Variants in TMEM135 observed in about 807,000 individuals in gnomAD.
TMEM135 encodes transmembrane protein 135, also known as peroxisomal membrane protein 52.
In TMEM135, 30 loss-of-function variants were observed where a neutral mutation model predicts 60.3. The observed-to-expected ratio is 0.50, with a 90% CI of 0.37 to 0.68. The LOEUF is 0.68. Ranked by LOEUF, TMEM135 falls within the 30% of genes least tolerant of loss-of-function variation. TMEM135 has a pLI of 0.00. For missense variants in TMEM135, 468 were observed against 548.8 expected, an observed-to-expected ratio of 0.85 and a Z score of 1.47; for synonymous variants, 190 against 186.7, an observed-to-expected ratio of 1.02 and a Z score of -0.14.
intron 4 of TMEM135, among the ~76,000 whole-genome samples, chr11:87,140,329 A>G (rs932366294): frequency 6.6e-6 from 1 of 152,010 alleles, no homozygotes; most frequent in Non-Finnish European, 1.5e-5. Flanking sequence ...GGCCTCCCAA[A>G]GTGCTGGGAT....
chr11:87,240,652 G>T (rs994422134), intron 6 of TMEM135, among the ~76,000 whole-genome samples: 15 of 152,144 alleles, frequency 9.9e-5, no homozygotes, highest in African/African-American at 3.6e-4. Context: ...AAAGAAAAAT[G>T]CAACATTTAA....
intron 6 of TMEM135, among the ~76,000 whole-genome samples, chr11:87,252,796 A>ATGTGTGTGTGTGTG (rs1430756887): frequency 2.5e-5 from 2 of 81,150 alleles, no homozygotes; most frequent in Admixed American, 1.1e-4. Context: ...ATTAAAATAT[A>ATGTGTGTGTGTGTG]TATGTGTGTG....
At chr11:87,239,775 C>A (rs1941089185) in intron 6 of TMEM135, among the ~76,000 whole-genome samples, 1 of 150,052 alleles carries the variant, frequency 6.7e-6, no homozygotes, top group Non-Finnish European at 1.5e-5. Flanking sequence ...AAAGAAAGAA[C>A]TTGAGAAGTA....
chr11:87,316,340 A>G (rs1942729092), intron 12 of TMEM135, among the ~76,000 whole-genome samples: 1 of 151,648 alleles, frequency 6.6e-6, no homozygotes, highest in Non-Finnish European at 1.5e-5. Flanking sequence ...GAATATATAC[A>G]TCATGAAATC....
intron 3 of TMEM135, among the ~76,000 whole-genome samples, chr11:87,088,441 A>G (rs1225793898): frequency 6.6e-6 from 1 of 152,226 alleles, no homozygotes; most frequent in Non-Finnish European, 1.5e-5. Context: ...GAAACCAAGC[A>G]GAAAGAAACA....
chr11:87,224,204 C>T (rs187358560), intron 5 of TMEM135, among the ~76,000 whole-genome samples: 1 of 152,224 alleles, frequency 6.6e-6, no homozygotes, highest in East Asian at 1.9e-4. Context: ...TTGATGGGTG[C>T]TTTTTCTTGA....
intron 3 of TMEM135, among the ~76,000 whole-genome samples, chr11:87,074,718 C>T (rs1266550894): frequency 6.6e-6 from 1 of 152,174 alleles, no homozygotes; most frequent in African/African-American, 2.4e-5. Context: ...ATGTTATAAA[C>T]ATCATGCCAC....
At chr11:87,141,735 G>A (rs184920572) in intron 4 of TMEM135, among the ~76,000 whole-genome samples, 1 of 152,122 alleles carries the variant, frequency 6.6e-6, no homozygotes, top group Admixed American at 6.5e-5. Context: ...TCATTCCATA[G>A]CAGTGTCTAC....
chr11:87,296,184 G>A (rs1252105606), intron 7 of TMEM135, among the ~76,000 whole-genome samples: 1 of 152,084 alleles, frequency 6.6e-6, no homozygotes, highest in African/African-American at 2.4e-5. Context: ...TTGCTTTAGG[G>A]CAGGACTCAT....
intron 5 of TMEM135, among the ~76,000 whole-genome samples, chr11:87,205,348 T>C (rs1940211269): frequency 6.6e-6 from 1 of 152,220 alleles, no homozygotes; most frequent in Non-Finnish European, 1.5e-5. Context: ...CTACTGTAGA[T>C]ACTTGAGTAA....
chr11:87,272,643 T>A (rs934756081), intron 6 of TMEM135, among the ~76,000 whole-genome samples: 1 of 151,572 alleles, frequency 6.6e-6, no homozygotes, highest in South Asian at 2.1e-4. Context: ...AAAATTTTTT[T>A]GTAGAGATGA....
At chr11:87,107,231 T>C (rs1484545929) in intron 4 of TMEM135, among the ~76,000 whole-genome samples, 1 of 152,168 alleles carries the variant, frequency 6.6e-6, no homozygotes, top group East Asian at 1.9e-4. Context: ...ATCCATTTCT[T>C]TTAGGTTATA....
At chr11:87,139,360 TG>T (rs1225537233) in intron 4 of TMEM135, among the ~76,000 whole-genome samples, 1 of 152,186 alleles carries the variant, frequency 6.6e-6, no homozygotes, top group Non-Finnish European at 1.5e-5. Context: ...TTTTGGCAAA[TG>T]TTTATAGTCA....
intron 5 of TMEM135, among the ~76,000 whole-genome samples, chr11:87,214,029 C>A (rs114593405): frequency 0.015 from 2,292 of 152,206 alleles, 40 homozygotes; most frequent in African/African-American, 0.049. Flanking sequence ...AATACTTAGA[C>A]TGTTTGATTA....
chr11:87,261,665 A>G (rs576666346), intron 6 of TMEM135, among the ~76,000 whole-genome samples: 1 of 152,066 alleles, frequency 6.6e-6, no homozygotes, highest in Admixed American at 6.6e-5. Context: ...GCTTTCATTT[A>G]CCCTGGAGTG....
chr11:87,236,449 A>G (rs1471676338), intron 5 of TMEM135, among the ~76,000 whole-genome samples, 189 bp from the exon 6 acceptor site: 1 of 152,034 alleles, frequency 6.6e-6, no homozygotes, highest in Non-Finnish European at 1.5e-5. Flanking sequence ...GGGCTCATGC[A>G]GCCTGCAGGC....
chr11:87,281,002 A>G (rs1490270616), intron 6 of TMEM135, among the ~76,000 whole-genome samples: 1 of 152,198 alleles, frequency 6.6e-6, no homozygotes, highest in Non-Finnish European at 1.5e-5. Flanking sequence ...ATTAAGAAAT[A>G]GCTCCTAATT....
intron 1 of TMEM135, among the ~76,000 whole-genome samples, chr11:87,057,427 GT>G (rs1237533919): frequency 6.6e-6 from 1 of 152,024 alleles, no homozygotes; most frequent in Non-Finnish European, 1.5e-5. Flanking sequence ...TTCTTGTTTT[GT>G]TTTTAATAAG....
chr11:87,302,231 CTT>C, intron 7 of TMEM135, 63 bp from the exon 8 acceptor site: 6 of 1,321,974 alleles, frequency 4.5e-6, no homozygotes, highest in Non-Finnish European at 6.2e-6. Context: ...TAAACAAAGT[CTT>C]TTTTTTTTCC....
Sources: allele counts gnomAD v4.1 joint callset (sites outside exome capture counted in the v4.1 genomes callset), GRCh38; gene constraint gnomAD v4.1.1; transcripts MANE v1.5; gene names NCBI Gene and HGNC (gene_info 2026-07-23, HGNC 2026-07-21).